The following PDGFRL variants were observed in gnomAD, a reference collection of about 807,000 sequenced individuals.
PDGFRL encodes platelet-derived growth factor receptor-like protein.
Under a neutral mutation model 37.2 loss-of-function variants are expected in PDGFRL, and 46 were observed. The ratio of observed to expected loss-of-function variants is 1.24; its 90% CI spans 0.98 to 1.58. The LOEUF (loss-of-function observed/expected upper bound fraction) is 1.58, where lower values mean the gene tolerates loss of function less well. Ranked by LOEUF, PDGFRL falls within the 40% of genes most tolerant of loss-of-function variation. The pLI, the probability that PDGFRL is intolerant of heterozygous loss-of-function variation, is 0.00. For synonymous variants in PDGFRL, 251 were observed against 184.3 expected (o/e 1.36, Z -2.93); for missense variants, 692 against 467.6 (o/e 1.48, Z -4.43).
intron 1 of PDGFRL, among the ~76,000 whole-genome samples, chr8:17,588,288 T>C (rs992803023): frequency 6.6e-6 from 1 of 152,208 alleles, no homozygotes. Flanking sequence ...ATATTTACTC[T>C]TTAATAATAA....
chr8:17,630,171 C>T (rs1423179845), intron 4 of PDGFRL, among the ~76,000 whole-genome samples: 1 of 152,168 alleles, frequency 6.6e-6, no homozygotes, highest in Non-Finnish European at 1.5e-5. Flanking sequence ...CGTCTTTCTT[C>T]TGTTTTCCCC....
At chr8:17,600,787 G>A (rs1360169495) in intron 2 of PDGFRL, among the ~76,000 whole-genome samples, 1 of 148,276 alleles carries the variant, frequency 6.7e-6, no homozygotes, top group Non-Finnish European at 1.5e-5. Context: ...GGGCAACAGA[G>A]CAAGACCCCA....
At chr8:17,636,262 A>G (rs990000881) in intron 5 of PDGFRL, among the ~76,000 whole-genome samples, 1 of 152,194 alleles carries the variant, frequency 6.6e-6, no homozygotes, top group Non-Finnish European at 1.5e-5. Context: ...AGATTTAAGT[A>G]TTTGATCCAC....
At chr8:17,612,045 T>A (rs560861548) in intron 2 of PDGFRL, among the ~76,000 whole-genome samples, 1 of 152,132 alleles carries the variant, frequency 6.6e-6, no homozygotes, top group African/African-American at 2.4e-5. Context: ...GGGAGCAGAA[T>A]GGCTAAGAAA....
chr8:17,610,958 T>G (rs923483779), intron 2 of PDGFRL, among the ~76,000 whole-genome samples: 1 of 152,218 alleles, frequency 6.6e-6, no homozygotes, highest in African/African-American at 2.4e-5. Flanking sequence ...TCCATGCATT[T>G]CTCTACATGG....
chr8:17,599,750 C>G (rs1804128294), intron 2 of PDGFRL, among the ~76,000 whole-genome samples: 1 of 152,148 alleles, frequency 6.6e-6, no homozygotes, highest in South Asian at 2.1e-4. Flanking sequence ...ATGAAATTAT[C>G]CCCTAACTTA....
intron 2 of PDGFRL, among the ~76,000 whole-genome samples, chr8:17,598,796 A>C (rs747146140): frequency 6.6e-6 from 1 of 152,098 alleles, no homozygotes; most frequent in Non-Finnish European, 1.5e-5. Context: ...CAGTTCCCCC[A>C]TACTGTTCTC....
At chr8:17,620,475 C>G (rs1236899319) in intron 2 of PDGFRL, among the ~76,000 whole-genome samples, 2 of 152,086 alleles carry the variant, frequency 1.3e-5, no homozygotes, top group Non-Finnish European at 2.9e-5. Flanking sequence ...CACAGTTTTC[C>G]CATTATTAAT....
At chr8:17,613,336 G>C (rs1804459998) in intron 2 of PDGFRL, among the ~76,000 whole-genome samples, 1 of 152,304 alleles carries the variant, frequency 6.6e-6, no homozygotes, top group African/African-American at 2.4e-5. Context: ...GAAGGAGGAA[G>C]AGGAGCTTTT....
chr8:17,586,931 T>C lies in PDGFRL; in HGVS notation c.56-2537T>C, dbSNP rs1803831097. On this transcript the variant is annotated intron_variant, in intron 1 of 5. Coordinates refer to ENST00000251630, the MANE Select transcript of PDGFRL (RefSeq NM_001372073.1). Reference sequence around the variant, plus strand: ...ACCTATTTCTCTATAAATTATACGATGCAATAGTCTCAAAAATTCAATGGT... The same window carrying C: ...ACCTATTTCTCTATAAATTATACGACGCAATAGTCTCAAAAATTCAATGGT... 2.6e-5 allele frequency among the ~76,000 whole-genome samples: 4 copies of C among 152,312 alleles called. 1 individual carries two copies. The South Asian group carries it at 8.3e-4, about 32-fold the overall frequency.
At chr8:17,579,599 G>T (rs1014249083) in intron 1 of PDGFRL, among the ~76,000 whole-genome samples, 24 of 148,740 alleles carry the variant, frequency 1.6e-4, no homozygotes, top group African/African-American at 5.9e-4. Flanking sequence ...ATGGAGTCTT[G>T]CTATGTCACC....
At chr8:17,587,561 TGA>T (rs776930713) in intron 1 of PDGFRL, among the ~76,000 whole-genome samples, 15 of 152,120 alleles carry the variant, frequency 9.9e-5, no homozygotes, top group African/African-American at 3.4e-4. Context: ...TTTCTTTTTT[TGA>T]GAGAGAGTCT....
chr8:17,592,965 C>T (rs1158041982), intron 2 of PDGFRL, among the ~76,000 whole-genome samples: 1 of 151,406 alleles, frequency 6.6e-6, no homozygotes, highest in Non-Finnish European at 1.5e-5. Context: ...TCTACACACA[C>T]ACCTTGAGAG....
chr8:17,617,230 A>T (rs1206381535), intron 2 of PDGFRL, among the ~76,000 whole-genome samples: 4 of 152,198 alleles, frequency 2.6e-5, no homozygotes, highest in Non-Finnish European at 5.9e-5. Context: ...CTCCTAGTTT[A>T]GAAAGAAAAG....
intron 3 of PDGFRL, among the ~76,000 whole-genome samples, chr8:17,624,989 TTTTA>T (rs1278295249): frequency 9.4e-6 from 1 of 106,324 alleles, no homozygotes; most frequent in Non-Finnish European, 2.4e-5. Context: ...TTATTTTTAT[TTTTA>T]TTTATTATTA....
At position 17,635,071 on chromosome 8, in the gene PDGFRL, G is replaced by A. The variant is rs79300058; in HGVS notation, c.939+858G>A. 3.6e-3 allele frequency among the ~76,000 whole-genome samples: 553 copies of A among 152,192 alleles called. 4 individuals are homozygous for A. Among genetic ancestry groups the A allele is most frequent in the African/African-American group, 0.012 (507 of 41,520 alleles). ...TCAGTCTTTCAATCCCATCTTCTGGGCCAACTAGAGTCTAATCTAACCTCC... is the reference window on the plus strand; with the variant it reads ...TCAGTCTTTCAATCCCATCTTCTGGACCAACTAGAGTCTAATCTAACCTCC... On this transcript the variant is annotated intron_variant, in intron 5 of 5. Coordinates refer to ENST00000251630, the MANE Select transcript of PDGFRL (RefSeq NM_001372073.1).
chr8:17,640,751 T>G (rs1441367417), intron 5 of PDGFRL, among the ~76,000 whole-genome samples: 1 of 152,156 alleles, frequency 6.6e-6, no homozygotes, highest in East Asian at 1.9e-4. Context: ...TGTGTTGGTC[T>G]TCTGCCAGGA....
chr8:17,622,600 C>A (rs546916610), intron 3 of PDGFRL, among the ~76,000 whole-genome samples: 1 of 152,276 alleles, frequency 6.6e-6, no homozygotes, highest in South Asian at 2.1e-4. Context: ...TTGATGCAGA[C>A]TTTTTACTCC....
chr8:17,598,386 T>C (rs893189313), intron 2 of PDGFRL, among the ~76,000 whole-genome samples: 1 of 152,170 alleles, frequency 6.6e-6, no homozygotes, highest in African/African-American at 2.4e-5. Context: ...ATAAACCCCT[T>C]GAGGGCAAAT....
Sources: gnomAD v4.1 joint callset for allele counts (sites outside exome capture counted in the v4.1 genomes callset) on GRCh38, gnomAD v4.1.1 for gene constraint, MANE v1.5 for transcripts, NCBI Gene and HGNC (gene_info 2026-07-23, HGNC 2026-07-21) for gene names.